The following UHRF2 variants were observed in gnomAD, a reference collection of about 807,000 sequenced individuals.
The protein encoded by UHRF2 is ubiquitin like with PHD and ring finger domains 2.
In UHRF2, 23 loss-of-function variants were observed where a neutral mutation model predicts 96.8. That is an observed-to-expected ratio of 0.24 (90% CI 0.17 to 0.34). UHRF2 has a LOEUF of 0.34. UHRF2 is among the 10% of genes least tolerant of loss of function. The pLI is 1.00. For missense variants in UHRF2, 685 were observed against 981.5 expected (o/e 0.70, Z 4.04); for synonymous variants, 385 against 332.6 (o/e 1.16, Z -1.72).
intron 3 of UHRF2, among the ~76,000 whole-genome samples, chr9:6,436,772 T>C (rs1488119156): frequency 6.6e-6 from 1 of 152,206 alleles, no homozygotes; most frequent in African/African-American, 2.4e-5. Context: ...TGGCAACTTT[T>C]TTTGTCAGTT....
intron 3 of UHRF2, among the ~76,000 whole-genome samples, chr9:6,456,590 G>C (rs1323576330): frequency 6.6e-6 from 1 of 152,126 alleles, no homozygotes. Flanking sequence ...TGGTGTTTTG[G>C]ACATGGAGTC....
chr9:6,467,043 CACAA>C (rs879520525), intron 4 of UHRF2, among the ~76,000 whole-genome samples: 10 of 152,148 alleles, frequency 6.6e-5, no homozygotes, highest in Non-Finnish European at 1.3e-4. Context: ...AACAAATTAC[CACAA>C]ACATAGTAGC....
At chr9:6,464,462 T>G (rs1822747011) in intron 4 of UHRF2, among the ~76,000 whole-genome samples, 1 of 152,204 alleles carries the variant, frequency 6.6e-6, no homozygotes, top group Admixed American at 6.5e-5. Flanking sequence ...CAAGAAAGTT[T>G]TTTTTTCCTT....
Position 6,481,985 on chromosome 9 carries a change from C to A in UHRF2, c.1285-7C>A. On this transcript the variant is annotated splice_polypyrimidine_tract_variant and splice_region_variant and intron_variant, in intron 7 of 15. Transcript: ENST00000276893. ...TGATTTCTCAACGTTTGTTTTGCGT[C>A]TTGTAGGGAATGGCTTGTGTTGGTC... 5 of 1,611,682 alleles carry A rather than the reference C, an allele frequency of 3.1e-6. No individual in the cohort carries two copies. The highest frequency in any genetic ancestry group is 4.2e-6 in the Non-Finnish European group (5 of 1,179,122).
intron 3 of UHRF2, among the ~76,000 whole-genome samples, chr9:6,441,175 T>G (rs1006833793): frequency 6.6e-6 from 1 of 152,016 alleles, no homozygotes; most frequent in Non-Finnish European, 1.5e-5. Context: ...GCCCAGGAGT[T>G]CGAGACCAGC....
Position 6,500,592 on chromosome 9 carries a change from T to G in UHRF2, c.2046T>G (p.Asp682Glu), listed in dbSNP as rs1371973249. 3 of 1,613,320 alleles carry G rather than the reference T, an allele frequency of 1.9e-6. No individual in the cohort carries two copies. The African/African-American group carries it at 4.0e-5, about 22-fold the overall frequency. Residue 682 changes from aspartate to glutamate, a missense_variant, in exon 14 of 16, where the codon GAT (aspartate) becomes GAG (glutamate). By Grantham distance (45) the Asp-to-Glu change is conservative (BLOSUM62 2). This residue lies in a region of UHRF2 where 99 missense variants were observed against 73.5 expected (regional missense o/e 1.35). Coordinates refer to ENST00000276893, the MANE Select transcript of UHRF2 (RefSeq NM_152896.3). ...CCTCCAAAGTGTACAAAGCATCAGATTCAGCAGAAGCAATTGAGGCTTTTC... is the reference window on the plus strand; with the variant it reads ...CCTCCAAAGTGTACAAAGCATCAGAGTCAGCAGAAGCAATTGAGGCTTTTC... ...PSASKVYKASDSAEAIEAFQL... is the reference protein window; with the variant it reads ...PSASKVYKASESAEAIEAFQL...
At chr9:6,426,931 T>C (rs1399792675) in intron 2 of UHRF2, among the ~76,000 whole-genome samples, 1 of 152,028 alleles carries the variant, frequency 6.6e-6, no homozygotes, top group Non-Finnish European at 1.5e-5. Flanking sequence ...GTACTTTCAG[T>C]AGAGACAAGA....
chr9:6,491,975 C>T (rs1418972488), intron 9 of UHRF2, among the ~76,000 whole-genome samples: 1 of 152,180 alleles, frequency 6.6e-6, no homozygotes, highest in Non-Finnish European at 1.5e-5. Flanking sequence ...TCAAGCAGGC[C>T]AACTGCTTTG....
intron 3 of UHRF2, 30 bp from the exon 4 acceptor site, chr9:6,460,543 C>G: frequency 6.5e-7 from 1 of 1,548,420 alleles, no homozygotes; most frequent in Non-Finnish European, 8.8e-7. Context: ...CTTTGGTAAT[C>G]ATAAGCCATA....
chr9:6,429,809 T>G (rs1295938256), intron 2 of UHRF2, among the ~76,000 whole-genome samples: 1 of 152,218 alleles, frequency 6.6e-6, no homozygotes, highest in African/African-American at 2.4e-5. Flanking sequence ...ATGGTTACAC[T>G]TAGTGGGTGA....
intron 2 of UHRF2, among the ~76,000 whole-genome samples, chr9:6,423,233 A>G (rs1156747): frequency 0.27 from 41,486 of 152,092 alleles, 7,501 homozygotes; most frequent in African/African-American, 0.51. Context: ...CCAGGCTTGG[A>G]TGGCTGAATT....
chr9:6,470,956 A>G (rs1442019164), intron 4 of UHRF2, among the ~76,000 whole-genome samples: 2 of 152,218 alleles, frequency 1.3e-5, no homozygotes, highest in East Asian at 1.9e-4. Flanking sequence ...TGAGTCAAGC[A>G]TTTCAAGACA....
At chr9:6,502,747 G>A (rs1019989763) in intron 14 of UHRF2, among the ~76,000 whole-genome samples, 8 of 152,124 alleles carry the variant, frequency 5.3e-5, no homozygotes, top group Admixed American at 1.3e-4. Context: ...AGATATACCC[G>A]TATTATAGGA....
At chr9:6,481,887 C>G in intron 7 of UHRF2, 105 bp from the exon 8 acceptor site, 3 of 1,535,288 alleles carry the variant, frequency 2.0e-6, no homozygotes, top group Non-Finnish European at 2.6e-6. Context: ...ATCAATGGTA[C>G]TTAAATTACA....
intron 4 of UHRF2, among the ~76,000 whole-genome samples, chr9:6,470,900 A>G (rs1341673711): frequency 6.6e-6 from 1 of 152,238 alleles, no homozygotes; most frequent in Non-Finnish European, 1.5e-5. Flanking sequence ...AACATACAGT[A>G]AAATGGCAGA....
rs539491462 is a variant in UHRF2 at position 6,478,971 on chromosome 9, A to G, written c.1160+1163A>G. 1.3e-4 allele frequency among the ~76,000 whole-genome samples: 20 copies of G among 152,282 alleles called. No individual in the cohort carries two copies. The East Asian group carries it at 3.9e-3, about 29-fold the overall frequency. ...TGACATATTCCTGCTTCTCTAAAATACGCTCTTTCACCTGCTCTCACAGTT... is the reference window on the plus strand; with the variant it reads ...TGACATATTCCTGCTTCTCTAAAATGCGCTCTTTCACCTGCTCTCACAGTT... On this transcript the variant is annotated intron_variant, in intron 6 of 15. Coordinates refer to ENST00000276893, the MANE Select transcript of UHRF2 (RefSeq NM_152896.3).
chr9:6,460,807 C>G lies in UHRF2; in HGVS notation c.863+16C>G. 1.9e-6 allele frequency: 3 copies of G among 1,598,172 alleles called. No homozygotes were observed. The highest frequency in any genetic ancestry group is 2.6e-6 in the Non-Finnish European group (3 of 1,170,658). On this transcript the variant is annotated intron_variant, in intron 4 of 15. Coordinates refer to ENST00000276893, the MANE Select transcript of UHRF2 (RefSeq NM_152896.3). Reference sequence around the variant, plus strand: ...TTTTCCTGGGGTAAGATTGTCTTCACTGGTGCCATTTAATTAACTGAATTG... The same window carrying G: ...TTTTCCTGGGGTAAGATTGTCTTCAGTGGTGCCATTTAATTAACTGAATTG...
At chr9:6,502,635 G>T (rs1046087784) in intron 14 of UHRF2, among the ~76,000 whole-genome samples, 1 of 152,304 alleles carries the variant, frequency 6.6e-6, no homozygotes, top group East Asian at 1.9e-4. Context: ...TTACTCTGCT[G>T]TAGGAACGTA....
intron 15 of UHRF2, among the ~76,000 whole-genome samples, chr9:6,505,681 AT>A (rs1181609960): frequency 3.3e-5 from 5 of 152,110 alleles, no homozygotes; most frequent in African/African-American, 9.7e-5. Flanking sequence ...GGGAATCCAG[AT>A]TTTTTTTCCC....
Sources: gnomAD v4.1 joint callset for allele counts (sites outside exome capture counted in the v4.1 genomes callset) on GRCh38, gnomAD v4.1.1 for gene constraint, gnomAD v4.1.1 regional missense constraint, MANE v1.5 for transcripts, NCBI Gene and HGNC (gene_info 2026-07-23, HGNC 2026-07-21) for gene names.